Variants in RTTN observed in about 807,000 individuals in gnomAD.
The protein encoded by RTTN is rotatin.
Under a neutral mutation model 269.2 loss-of-function variants are expected in RTTN, and 182 were observed. The observed-to-expected ratio is 0.68, with a 90% CI of 0.60 to 0.76. The LOEUF (loss-of-function observed/expected upper bound fraction) is 0.76, where lower values mean the gene tolerates loss of function less well. Among genes scored for constraint, RTTN ranks in the 30% least tolerant of loss-of-function variants. RTTN has a pLI of 0.00. For missense variants in RTTN, 2,545 were observed against 2,608.6 expected, an observed-to-expected ratio of 0.98 and a Z score of 0.53; for synonymous variants, 1,006 against 963.5, an observed-to-expected ratio of 1.04 and a Z score of -0.82.
Position 70,150,663 on chromosome 18 carries a change from T to G in RTTN, c.2000A>C (p.His667Pro), listed in dbSNP as rs2060512812. Reference sequence around the variant, plus strand: ...AGAGATTTCATACAGAACTTTTGGATGAAGTAGAAAATGAATTCCATTGCA... The same window carrying G: ...AGAGATTTCATACAGAACTTTTGGAGGAAGTAGAAAATGAATTCCATTGCA... The part of the protein sequence containing the change: ...SLCNGIHFLL[H>P]PKVLYEISVF... Residue 667 changes from histidine (H) to proline (P), a missense_variant, in exon 15 of 49, where the codon CAT (histidine) becomes CCT (proline). Transcript: ENST00000640769. 6.8e-6 allele frequency: 11 copies of G among 1,612,304 alleles called. No individual in the cohort carries two copies. Among genetic ancestry groups the G allele is most frequent in the Non-Finnish European group, 9.3e-6 (11 of 1,178,570 alleles).
chr18:70,137,777 T>C (rs2060159234), intron 21 of RTTN, among the ~76,000 whole-genome samples: 1 of 152,168 alleles, frequency 6.6e-6, no homozygotes, highest in Non-Finnish European at 1.5e-5. Flanking sequence ...GCATGTCCTC[T>C]GGCACCAGGA....
chr18:70,029,893 A>T (rs1483013354), intron 42 of RTTN, 119 bp downstream of exon 42: 1 of 676,208 alleles, frequency 1.5e-6, no homozygotes, highest in Non-Finnish European at 2.5e-6. Flanking sequence ...TCATTAATTT[A>T]TCCATCTGTA....
chr18:70,005,335 G>A (rs1016960286), intron 47 of RTTN, 68 bp from the exon 48 acceptor site: 17 of 1,056,026 alleles, frequency 1.6e-5, no homozygotes, highest in Non-Finnish European at 2.5e-5. Flanking sequence ...CACTAATTCT[G>A]CCCATTGCTA....
At chr18:70,173,059 A>C (rs2061184925) in intron 11 of RTTN, among the ~76,000 whole-genome samples, 1 of 152,194 alleles carries the variant, frequency 6.6e-6, no homozygotes, top group South Asian at 2.1e-4. Context: ...AAACATAATG[A>C]CTAGTGAATA....
At chr18:70,168,830 AAG>A (rs745934676) in intron 12 of RTTN, 23 bp downstream of exon 12, 1 of 1,522,056 alleles carries the variant, frequency 6.6e-7, no homozygotes, top group Admixed American at 1.9e-5. Context: ...AGGGATTTAA[AAG>A]AGATATTAAA....
intron 10 of RTTN, among the ~76,000 whole-genome samples, chr18:70,185,182 T>G (rs2061519436): frequency 6.6e-6 from 1 of 152,122 alleles, no homozygotes; most frequent in East Asian, 1.9e-4. Flanking sequence ...TACCTTGTGC[T>G]AGATACAAAA....
intron 14 of RTTN, among the ~76,000 whole-genome samples, chr18:70,153,406 C>T (rs753600671): frequency 4.6e-5 from 7 of 152,080 alleles, no homozygotes; most frequent in Admixed American, 6.6e-5. Flanking sequence ...TCTGATAAGG[C>T]TCTTTTCTGT....
At chr18:70,163,339 G>A (rs984350097) in intron 14 of RTTN, among the ~76,000 whole-genome samples, 8 of 151,072 alleles carry the variant, frequency 5.3e-5, no homozygotes, top group African/African-American at 1.9e-4. Flanking sequence ...CCAAGATTGT[G>A]CCACTGCACT....
chr18:70,168,455 ACTAT>A (rs1272068700), intron 12 of RTTN, among the ~76,000 whole-genome samples: 2 of 152,224 alleles, frequency 1.3e-5, no homozygotes, highest in Admixed American at 1.3e-4. Context: ...ATATGTAAGA[ACTAT>A]CTATAAAATA....
chr18:70,109,796 GTTAC>G (rs1276080116), intron 27 of RTTN, 79 bp from the exon 28 acceptor site: 43 of 1,148,264 alleles, frequency 3.7e-5, no homozygotes, highest in Non-Finnish European at 5.2e-5. Context: ...GCTATAAAAG[GTTAC>G]TTAAACTCAT....
chr18:70,115,214 C>G (rs2059573729), intron 26 of RTTN, among the ~76,000 whole-genome samples: 1 of 151,662 alleles, frequency 6.6e-6, no homozygotes, highest in African/African-American at 2.4e-5. Context: ...TATATATTGC[C>G]AAATTGTCCC....
At chr18:70,163,473 T>C (rs1263958145) in intron 14 of RTTN, among the ~76,000 whole-genome samples, 1 of 152,052 alleles carries the variant, frequency 6.6e-6, no homozygotes, top group Non-Finnish European at 1.5e-5. Flanking sequence ...AATAGTACAG[T>C]CACTGTGGAA....
intron 4 of RTTN, among the ~76,000 whole-genome samples, chr18:70,201,412 C>CT (rs1022297579): frequency 1.1e-4 from 17 of 149,772 alleles, no homozygotes; most frequent in South Asian, 6.4e-4. Context: ...ACCATCCCGG[C>CT]TAAAAAAAAA....
chr18:70,011,014 T>C (rs1479894323), intron 46 of RTTN, among the ~76,000 whole-genome samples: 1 of 152,116 alleles, frequency 6.6e-6, no homozygotes, highest in Non-Finnish European at 1.5e-5. Flanking sequence ...CCTGGACACA[T>C]ACACCCTCCC....
rs374262515 is a variant in RTTN, at chr18:70,032,833, T to C, written c.5542-1852A>G. 1.1e-4 allele frequency among the ~76,000 whole-genome samples: 17 copies of C among 152,216 alleles called. No homozygotes were observed. The East Asian group carries it at 2.1e-3, about 19-fold the overall frequency. On this transcript the variant is annotated intron_variant, in intron 40 of 48. Coordinates refer to ENST00000640769, the MANE Select transcript of RTTN (RefSeq NM_173630.4). Reference sequence around the variant, plus strand: ...TCAACACTGGACCAAATGGATCTGATAGACATCTACAGAACTCCCCACCAG... The same window carrying C: ...TCAACACTGGACCAAATGGATCTGACAGACATCTACAGAACTCCCCACCAG...
In RTTN at chr18:70,193,390, T is replaced by G. The variant is rs201044643; in HGVS notation, c.905A>C (p.Gln302Pro). The G allele has an allele frequency of 1.2e-4, 199 of 1,608,254 alleles. No individual in the cohort carries two copies. The highest frequency in any genetic ancestry group is 1.6e-4 in the Non-Finnish European group (193 of 1,177,642). Residue 302 changes from glutamine to proline, a missense_variant, in exon 8 of 49, where the codon CAG becomes CCG. Gln to Pro is a moderately conservative substitution (Grantham distance 76, BLOSUM62 -1). Transcript: ENST00000640769. Reference protein sequence around the residue: ...CHEARGTHHSQNPSPGSSSPR... With the variant: ...CHEARGTHHSPNPSPGSSSPR... ...GCTGCTGCTTCCTGGGGAAGGATTC[T>G]GGGAATGATGAGTACCTCTTGCTTC... is the stretch of plus-strand genomic sequence containing the variant.
At chr18:70,056,775 T>C (rs572902429) in intron 37 of RTTN, among the ~76,000 whole-genome samples, 3 of 152,366 alleles carry the variant, frequency 2.0e-5, no homozygotes, top group Middle Eastern at 3.4e-3. Context: ...CTAAGTGGAA[T>C]AGCCCTACCC....
intron 23 of RTTN, among the ~76,000 whole-genome samples, chr18:70,132,505 T>C (rs921158854): frequency 2.0e-5 from 3 of 151,866 alleles, no homozygotes; most frequent in Non-Finnish European, 2.9e-5. Context: ...GAAAACCTAA[T>C]AAACTAAATC....
chr18:70,098,399 A>G (rs1160275548), intron 28 of RTTN, among the ~76,000 whole-genome samples: 2 of 152,192 alleles, frequency 1.3e-5, no homozygotes, highest in Non-Finnish European at 2.9e-5. Flanking sequence ...AACCATTCGA[A>G]AGGTCACTAG....
Sources: allele counts gnomAD v4.1 joint callset (sites outside exome capture counted in the v4.1 genomes callset), GRCh38; gene constraint gnomAD v4.1.1; transcripts MANE v1.5; gene names NCBI Gene and HGNC (gene_info 2026-07-23, HGNC 2026-07-21).